Variants in NKAIN3 observed in about 807,000 individuals in gnomAD.
NKAIN3 encodes sodium/potassium-transporting ATPase subunit beta-1-interacting protein 3.
Under a neutral mutation model 30.2 loss-of-function variants are expected in NKAIN3, and 25 were observed. The ratio of observed to expected loss-of-function variants is 0.83; its 90% CI spans 0.60 to 1.16. The LOEUF is 1.16. NKAIN3 is among the 50% of genes most tolerant of loss of function. NKAIN3 has a pLI of 0.00. For missense variants in NKAIN3, 225 were observed against 254.1 expected (o/e 0.89, Z 0.78); for synonymous variants, 91 against 89.6 (o/e 1.02, Z -0.09).
chr8:62,408,037 T>C (rs2129595683), intron 1 of NKAIN3, among the ~76,000 whole-genome samples: 1 of 152,332 alleles, frequency 6.6e-6, no homozygotes, highest in East Asian at 1.9e-4. Context: ...TCTAAATACA[T>C]ATATGTTACA....
intron 1 of NKAIN3, among the ~76,000 whole-genome samples, chr8:62,310,886 AG>A (rs1814406301): frequency 6.6e-6 from 1 of 150,450 alleles, no homozygotes; most frequent in Non-Finnish European, 1.5e-5. Flanking sequence ...ATCACTCCAA[AG>A]ATTAAAAATA....
intron 1 of NKAIN3, among the ~76,000 whole-genome samples, chr8:62,294,475 T>A (rs147288786): frequency 1.0e-3 from 159 of 152,330 alleles, no homozygotes; most frequent in African/African-American, 3.7e-3. Flanking sequence ...AAAAGGATTA[T>A]AATAAATAAA....
chr8:62,775,683 T>G (rs1287873091), intron 4 of NKAIN3, among the ~76,000 whole-genome samples: 1 of 152,096 alleles, frequency 6.6e-6, no homozygotes, highest in Non-Finnish European at 1.5e-5. Flanking sequence ...AGCCTGTCAT[T>G]AAATTTCCAT....
At chr8:62,437,969 G>C (rs1030389022) in intron 1 of NKAIN3, among the ~76,000 whole-genome samples, 5 of 152,218 alleles carry the variant, frequency 3.3e-5, no homozygotes, top group African/African-American at 9.6e-5. Context: ...CATGAACCCT[G>C]TGTGTTATTC....
chr8:62,324,039 G>A (rs565224678), intron 1 of NKAIN3, among the ~76,000 whole-genome samples: 2 of 152,090 alleles, frequency 1.3e-5, no homozygotes, highest in Non-Finnish European at 2.9e-5. Flanking sequence ...ATATTGTAAT[G>A]ATGGGCACTT....
chr8:62,545,421 A>G (rs908871962), intron 1 of NKAIN3, among the ~76,000 whole-genome samples: 1 of 152,084 alleles, frequency 6.6e-6, no homozygotes, highest in Non-Finnish European at 1.5e-5. Flanking sequence ...CCTCATCTCT[A>G]CTAAAAATAC....
At chr8:62,799,492 G>A (rs1817983780) in intron 4 of NKAIN3, among the ~76,000 whole-genome samples, 1 of 152,110 alleles carries the variant, frequency 6.6e-6, no homozygotes, top group African/African-American at 2.4e-5. Flanking sequence ...AAACCACAAT[G>A]TGATACCACC....
At position 62,969,470 on chromosome 8, in the gene NKAIN3, C is replaced by A. The variant is rs924706340; in HGVS notation, c.*4063C>A. ...GAATAAACAAATCTTCATTTCATAC[C>A]TAATTTTAAAACGAATTGTGTCCCC... On this transcript the variant is annotated 3_prime_UTR_variant, in exon 7 of 7. Coordinates refer to ENST00000623646, the MANE Select transcript of NKAIN3 (RefSeq NM_001304533.3). Among the ~76,000 whole-genome samples, 8 of 152,222 alleles carry A rather than the reference C, an allele frequency of 5.3e-5. No homozygotes were observed. The highest frequency in any genetic ancestry group is 1.9e-4 in the African/African-American group (8 of 41,542).
chr8:62,808,331 C>T (rs1186693668), intron 4 of NKAIN3, among the ~76,000 whole-genome samples: 2 of 152,100 alleles, frequency 1.3e-5, no homozygotes, highest in East Asian at 1.9e-4. Flanking sequence ...ATTTCAGTCT[C>T]ATTTTATAAT....
intron 1 of NKAIN3, among the ~76,000 whole-genome samples, chr8:62,327,369 T>C (rs553298120): frequency 1.3e-5 from 2 of 152,214 alleles, no homozygotes; most frequent in East Asian, 3.9e-4. Flanking sequence ...GTCTTTAGTG[T>C]CATATTCAAG....
At chr8:62,345,398 T>C (rs1369168021) in intron 1 of NKAIN3, among the ~76,000 whole-genome samples, 1 of 122,908 alleles carries the variant, frequency 8.1e-6, no homozygotes, top group Non-Finnish European at 1.8e-5. Context: ...TACACACATA[T>C]ACACATATAT....
intron 1 of NKAIN3, among the ~76,000 whole-genome samples, chr8:62,524,568 A>G (rs2129801640): frequency 6.6e-6 from 1 of 152,222 alleles, no homozygotes; most frequent in African/African-American, 2.4e-5. Context: ...CTCACTTTCA[A>G]TCCACAGTGA....
chr8:62,489,183 A>ATTTT (rs56881745), intron 1 of NKAIN3, among the ~76,000 whole-genome samples: 3 of 142,592 alleles, frequency 2.1e-5, no homozygotes, highest in African/African-American at 2.6e-5. Context: ...CACCTGGCTA[A>ATTTT]TTTTTTTTTT....
chr8:62,271,899 C>T (rs922032441), intron 1 of NKAIN3, among the ~76,000 whole-genome samples: 2 of 152,102 alleles, frequency 1.3e-5, no homozygotes, highest in Non-Finnish European at 2.9e-5. Flanking sequence ...CTCCATGTTG[C>T]GGTGAGGGGC....
chr8:62,728,355 GA>G (rs1815324600), intron 3 of NKAIN3, among the ~76,000 whole-genome samples: 1 of 151,956 alleles, frequency 6.6e-6, no homozygotes, highest in African/African-American at 2.4e-5. Context: ...TGAAAATCCG[GA>G]CTTCAATTAA....
chr8:62,802,426 A>G (rs1430175565), intron 4 of NKAIN3, among the ~76,000 whole-genome samples: 1 of 152,272 alleles, frequency 6.6e-6, no homozygotes, highest in Non-Finnish European at 1.5e-5. Flanking sequence ...ATCTCTTGGC[A>G]GAAACTCTAC....
intron 5 of NKAIN3, among the ~76,000 whole-genome samples, chr8:62,940,953 G>C (rs1186733474): frequency 1.3e-5 from 2 of 149,672 alleles, no homozygotes; most frequent in Non-Finnish European, 3.0e-5. Context: ...AAATACAAAA[G>C]ATAAGTGAAA....
intron 4 of NKAIN3, chr8:62,855,230 A>G (rs1820025964): frequency 5.0e-6 from 2 of 401,528 alleles, no homozygotes; most frequent in Admixed American, 7.6e-5. Context: ...GAAGAAACAC[A>G]TTTTAACTGG....
chr8:62,630,878 C>T (rs1469731655), intron 3 of NKAIN3, among the ~76,000 whole-genome samples: 1 of 152,152 alleles, frequency 6.6e-6, no homozygotes, highest in African/African-American at 2.4e-5. Flanking sequence ...TCTTTCTTTT[C>T]ATCATATAAA....
Sources: allele counts gnomAD v4.1 joint callset (sites outside exome capture counted in the v4.1 genomes callset), GRCh38; gene constraint gnomAD v4.1.1; transcripts MANE v1.5; gene names NCBI Gene and HGNC (gene_info 2026-07-23, HGNC 2026-07-21).